Variants in TENM3 observed in about 807,000 individuals in gnomAD.
The protein encoded by TENM3 is teneurin-3.
A neutral mutation model predicts 255.1 loss-of-function variants in TENM3; 63 were observed. The ratio of observed to expected loss-of-function variants is 0.25; its 90% confidence interval spans 0.20 to 0.30. The LOEUF (loss-of-function observed/expected upper bound fraction) is 0.30, where lower values mean the gene tolerates loss of function less well. Ranked by LOEUF, TENM3 falls within the 10% of genes least tolerant of loss-of-function variation. The probability of loss-of-function intolerance (pLI) is 1.00; values close to 1 mark genes in which losing one functional copy is unlikely to be tolerated. For missense variants in TENM3, 2,929 were observed against 3,461.1 expected, an observed-to-expected ratio of 0.85 and a Z score of 3.86; for synonymous variants, 1,306 against 1,322.3, an observed-to-expected ratio of 0.99 and a Z score of 0.27.
the TENM3 span, among the ~76,000 whole-genome samples, chr4:181,792,961 C>A: frequency 6.6e-6 from 1 of 151,230 alleles, no homozygotes; most frequent in Non-Finnish European, 1.5e-5. Context: ...AAGTTATAGA[C>A]GGTTTTTTTT....
intron 3 of TENM3, among the ~76,000 whole-genome samples, chr4:182,355,964 G>T (rs891706806): frequency 6.6e-6 from 1 of 150,848 alleles, no homozygotes; most frequent in Non-Finnish European, 1.5e-5. Flanking sequence ...TATTTACTCT[G>T]TGATCTATAT....
the TENM3 span, among the ~76,000 whole-genome samples, chr4:181,992,893 A>G: frequency 6.6e-6 from 1 of 152,184 alleles, no homozygotes; most frequent in Non-Finnish European, 1.5e-5. Flanking sequence ...TTTAAAATAT[A>G]GTTTAAGTGG....
the TENM3 span, among the ~76,000 whole-genome samples, chr4:181,691,559 T>C: frequency 2.0e-5 from 3 of 152,112 alleles, no homozygotes; most frequent in African/African-American, 4.8e-5. Flanking sequence ...GTTTTTTCCT[T>C]ATGCTATTTA....
chr4:182,302,328 G>A (rs1261463686), intron 1 of TENM3, among the ~76,000 whole-genome samples: 1 of 152,162 alleles, frequency 6.6e-6, no homozygotes, highest in African/African-American at 2.4e-5. Flanking sequence ...TCATGTTAAA[G>A]ATGCTTCTGT....
the TENM3 span, among the ~76,000 whole-genome samples, chr4:181,792,926 A>C: frequency 0.016 from 2,412 of 152,130 alleles, 32 homozygotes; most frequent in Non-Finnish European, 0.022. Flanking sequence ...AGTTCAGCAA[A>C]TCTCTTTCAA....
intron 3 of TENM3, among the ~76,000 whole-genome samples, chr4:182,508,067 A>G (rs1323435609): frequency 6.6e-6 from 1 of 152,172 alleles, no homozygotes; most frequent in African/African-American, 2.4e-5. Flanking sequence ...GGGTGGACTG[A>G]AACAGTTCAT....
chr4:181,639,048 T>C, the TENM3 span, among the ~76,000 whole-genome samples: 1 of 151,054 alleles, frequency 6.6e-6, no homozygotes, highest in Non-Finnish European at 1.5e-5. Flanking sequence ...TTGTTTTGCA[T>C]TTTTTTTGAC....
At chr4:181,458,317 T>C in the TENM3 span, among the ~76,000 whole-genome samples, 1 of 151,966 alleles carries the variant, frequency 6.6e-6, no homozygotes, top group Non-Finnish European at 1.5e-5. Context: ...TTTTTTGCTT[T>C]TAGAACAGTG....
chr4:181,748,414 G>T, the TENM3 span, among the ~76,000 whole-genome samples: 1 of 151,744 alleles, frequency 6.6e-6, no homozygotes, highest in Non-Finnish European at 1.5e-5. Flanking sequence ...GTGTTAACTT[G>T]GTCAATAATA....
intron 1 of TENM3, among the ~76,000 whole-genome samples, chr4:182,291,100 T>G (rs1761095875): frequency 6.6e-6 from 1 of 151,756 alleles, no homozygotes; most frequent in Admixed American, 6.6e-5. Flanking sequence ...GGATTACGAG[T>G]GTGAGCCACC....
intron 1 of TENM3, among the ~76,000 whole-genome samples, chr4:182,152,097 A>G (rs1750392909): frequency 6.6e-6 from 1 of 151,962 alleles, no homozygotes. Context: ...ATAATTAGAA[A>G]AGCTCTTGAA....
At chr4:181,853,892 A>G in the TENM3 span, among the ~76,000 whole-genome samples, 1 of 152,204 alleles carries the variant, frequency 6.6e-6, no homozygotes, top group African/African-American at 2.4e-5. Context: ...AAAATGCTGT[A>G]AGCGTAAGAT....
the TENM3 span, among the ~76,000 whole-genome samples, chr4:181,870,311 G>T: frequency 6.6e-6 from 1 of 151,978 alleles, no homozygotes; most frequent in Non-Finnish European, 1.5e-5. Context: ...TCTTTTTGTG[G>T]CCATATGTAT....
the TENM3 span, among the ~76,000 whole-genome samples, chr4:181,530,467 G>GCAATGCATGAGTTA: frequency 6.6e-6 from 1 of 152,002 alleles, no homozygotes; most frequent in African/African-American, 2.4e-5. Flanking sequence ...TAGATGAGTT[G>GCAATGCATGAGTTA]CAATGCATGA....
the TENM3 span, among the ~76,000 whole-genome samples, chr4:181,682,642 A>G: frequency 2.0e-5 from 3 of 152,198 alleles, no homozygotes; most frequent in African/African-American, 7.2e-5. Flanking sequence ...CTTGTACCAC[A>G]TGGAATACCA....
chr4:181,924,666 T>C, the TENM3 span, among the ~76,000 whole-genome samples: 10 of 152,234 alleles, frequency 6.6e-5, no homozygotes. Flanking sequence ...ATATTCATCT[T>C]TTAAATAAGC....
chr4:181,582,687 G>A, the TENM3 span, among the ~76,000 whole-genome samples: 67 of 133,736 alleles, frequency 5.0e-4, no homozygotes, highest in African/African-American at 7.4e-4. Context: ...AAAAAAAAAA[G>A]AAAGAAAGAA....
chr4:182,638,214 G>T lies in TENM3; in HGVS notation c.988+9325G>T, dbSNP rs752986595. 3.3e-5 allele frequency among the ~76,000 whole-genome samples: 5 copies of T among 151,928 alleles called. No individual in the cohort carries two copies. The South Asian group carries it at 1.0e-3, about 32-fold the overall frequency. ...TCTCTTAATTTCAGATAACGTACAT[G>T]CATGCTTTAAGAATTTTATTTATAA... On this transcript the variant is annotated intron_variant, in intron 5 of 27. Coordinates refer to ENST00000511685, the MANE Select transcript of TENM3 (RefSeq NM_001080477.4).
At chr4:181,798,015 A>T in the TENM3 span, among the ~76,000 whole-genome samples, 1 of 152,150 alleles carries the variant, frequency 6.6e-6, no homozygotes, top group South Asian at 2.1e-4. Flanking sequence ...TCTATCTTTT[A>T]TCATTATTTA....
Sources: gnomAD v4.1 joint callset for allele counts (sites outside exome capture counted in the v4.1 genomes callset) on GRCh38, gnomAD v4.1.1 for gene constraint, MANE v1.5 for transcripts, NCBI Gene and HGNC (gene_info 2026-07-23, HGNC 2026-07-21) for gene names.